The following TAF6L variants were observed in gnomAD, a reference collection of about 807,000 sequenced individuals.
The protein encoded by TAF6L is TATA-box binding protein associated factor 6 like.
TAF6L carries 34 observed loss-of-function variants against 57.3 expected under a neutral mutation model. That is an observed-to-expected ratio of 0.59 (90% CI 0.45 to 0.79). The LOEUF (loss-of-function observed/expected upper bound fraction) is 0.79. TAF6L is among the 30% of genes least tolerant of loss of function. TAF6L has a pLI of 0.00. For missense variants in TAF6L, 782 were observed against 853.2 expected (o/e 0.92, Z 1.04); for synonymous variants, 417 against 376.3 (o/e 1.11, Z -1.25).
At chr11:62,784,365 C>T (rs1470149429) in intron 9 of TAF6L, among the ~76,000 whole-genome samples, 1 of 146,810 alleles carries the variant, frequency 6.8e-6, no homozygotes, top group Non-Finnish European at 1.5e-5. Flanking sequence ...AGTCCAGTGG[C>T]GCCATCTTGG....
chr11:62,776,458 G>C lies in TAF6L; in HGVS notation c.222G>C (p.Trp74Cys), dbSNP rs909645483. Residue 74 changes from tryptophan (W) to cysteine (C), a missense_variant, in exon 3 of 11, where the codon TGG (tryptophan) becomes TGC (cysteine). Physicochemically the swap from Trp to Cys is radical, Grantham distance 215 (BLOSUM62 -2). This residue lies in a region of TAF6L where 220 missense variants were observed against 252.1 expected (regional missense o/e 0.87). Transcript: ENST00000294168. ...TVEDFNRALR[W>C]SSVEAVCGYG... is the part of the protein sequence containing the mutation. ...AGGACTTCAACAGGGCCCTCAGATG[G>C]AGCAGCGTGGAGGTGAGTGGGGTGC... 2 of 1,613,658 alleles carry C rather than the reference G, an allele frequency of 1.2e-6. No homozygotes were observed. The highest frequency in any genetic ancestry group is 8.5e-7 in the Non-Finnish European group (1 of 1,179,672).
intron 3 of TAF6L, among the ~76,000 whole-genome samples, chr11:62,776,849 A>AT (rs1367796608): frequency 6.8e-6 from 1 of 147,242 alleles, no homozygotes; most frequent in Non-Finnish European, 1.5e-5. Context: ...TCTCAAAAAA[A>AT]GAAAAAAAAA....
Position 62,782,170 on chromosome 11 carries a change from A to G in TAF6L, c.664A>G (p.Ser222Gly). ...GCACCGGCTGCTGCAGGTGGCACGGAGCCTATTTCGTAATCCGCACCTGTG... is the reference window on the plus strand; with the variant it reads ...GCACCGGCTGCTGCAGGTGGCACGGGGCCTATTTCGTAATCCGCACCTGTG... ...QLHRLLQVAR[S>G]LFRNPHLCLG... The change falls in exon 8 of 11, where the codon AGC becomes GGC. Residue 222 changes from serine (S) to glycine (G), a missense_variant. Around this residue, in one of 3 missense-constraint regions of TAF6L, gnomAD observed 79 missense variants for 156.0 expected, o/e 0.51. Transcript: ENST00000294168. 1.9e-6 allele frequency: 3 copies of G among 1,613,954 alleles called. No individual in the cohort carries two copies. In the South Asian group the frequency reaches 3.3e-5, roughly 18 times the overall value.
intron 9 of TAF6L, among the ~76,000 whole-genome samples, chr11:62,784,394 T>G (rs1056715055): frequency 4.0e-5 from 6 of 150,384 alleles, no homozygotes; most frequent in Middle Eastern, 3.4e-3. Flanking sequence ...AACCTCCGCC[T>G]CCCGGGTTCA....
At chr11:62,773,599 C>T (rs773812537) in intron 1 of TAF6L, among the ~76,000 whole-genome samples, 4 of 152,078 alleles carry the variant, frequency 2.6e-5, no homozygotes, top group Non-Finnish European at 2.9e-5. Flanking sequence ...AGGCATGTGC[C>T]ACCACACCTG....
At chr11:62,781,735 G>T (rs2084231382) in intron 6 of TAF6L, 159 bp from the exon 7 acceptor site, 11 of 646,152 alleles carry the variant, frequency 1.7e-5, no homozygotes, top group Non-Finnish European at 3.0e-5. Flanking sequence ...ATGAGTTTCT[G>T]TAGGTTACAT....
chr11:62,777,879 A>T, intron 3 of TAF6L, 99 bp from the exon 4 acceptor site: 1 of 1,401,744 alleles, frequency 7.1e-7, no homozygotes, highest in Non-Finnish European at 9.7e-7. Context: ...CTTCCTTCAA[A>T]CGTGGGCTCT....
At chr11:62,775,669 C>G in intron 1 of TAF6L, 102 bp from the exon 2 acceptor site, 1 of 1,351,068 alleles carries the variant, frequency 7.4e-7, no homozygotes, top group South Asian at 1.4e-5. Flanking sequence ...TTTAGAAACT[C>G]CAGAGCACGA....
intron 4 of TAF6L, 47 bp downstream of exon 4, chr11:62,778,175 G>A (rs771707530): frequency 6.2e-7 from 1 of 1,613,940 alleles, no homozygotes; most frequent in Non-Finnish European, 8.5e-7. Flanking sequence ...GTTGGGCCGT[G>A]AAGAGAAGTG....
At chr11:62,776,335 C>A in intron 2 of TAF6L, 49 bp from the exon 3 acceptor site, 1 of 1,592,818 alleles carries the variant, frequency 6.3e-7, no homozygotes, top group Non-Finnish European at 8.6e-7. Flanking sequence ...GTTTCCCATG[C>A]CCCCTGCTTC....
At position 62,786,212 on chromosome 11, in the gene TAF6L, G is replaced by A. The variant is rs755603435; in HGVS notation, c.961-48G>A. ...TTCATGGGAAAGGGTCCTTGAGAGG[G>A]AATAAGTATCAAAGACATGCTAACT... On this transcript the variant is annotated intron_variant, in intron 9 of 10. Coordinates refer to ENST00000294168, the MANE Select transcript of TAF6L (RefSeq NM_006473.4). 2.5e-6 allele frequency: 4 copies of A among 1,580,436 alleles called. No homozygotes were observed. The South Asian group carries it at 3.4e-5, about 13-fold the overall frequency.
At chr11:62,781,805 A>AC in intron 6 of TAF6L, 89 bp from the exon 7 acceptor site, 1 of 1,074,810 alleles carries the variant, frequency 9.3e-7, no homozygotes, top group East Asian at 2.4e-5. Flanking sequence ...AAACATGAAT[A>AC]AGGTGATACA....
At chr11:62,771,804 TTCGTGTACGGTCATATAATA>T (rs1827931300) in intron 1 of TAF6L, 1 of 245,886 alleles carries the variant, frequency 4.1e-6, no homozygotes. Flanking sequence ...CAGTCTAGAT[TTCGTGTACGGTCATATAATA>T]GGGAAACTCC....
chr11:62,778,591 A>AC, intron 5 of TAF6L: 1 of 614,938 alleles, frequency 1.6e-6, no homozygotes, highest in African/African-American at 1.8e-5. Context: ...GCGGTGTTTC[A>AC]CCCCCAGGGT....
chr11:62,782,216 G>A lies in TAF6L; in HGVS notation c.710G>A (p.Cys237Tyr), dbSNP rs756408971. 1 of 1,614,234 alleles carries A rather than the reference G, an allele frequency of 6.2e-7. No individual in the cohort carries two copies. Among genetic ancestry groups the A allele is most frequent in the Non-Finnish European group, 8.5e-7 (1 of 1,180,040 alleles). The part of the protein sequence containing the change: ...PHLCLGPYVR[C>Y]LVGSVLYCVL... The stretch of plus-strand genomic sequence containing the variant: ...CTGTGCTTGGGGCCCTATGTCCGCT[G>A]TCTGGTGGGCAGTGTCCTCTACTGT... The change falls in exon 8 of 11, where the codon TGT (cysteine) becomes TAT (tyrosine). Residue 237 changes from cysteine (C) to tyrosine (Y), a missense_variant. Transcript: ENST00000294168.
rs760061154 is a variant in TAF6L, at chr11:62,775,771, C to G, written c.-13C>G. Reference sequence around the variant, plus strand: ...TCCAGTCTTCATTCTCCACTCCCAGCTCCACTGGGGCCATGTCAGAGCGAG... The same window carrying G: ...TCCAGTCTTCATTCTCCACTCCCAGGTCCACTGGGGCCATGTCAGAGCGAG... On this transcript the variant is annotated splice_region_variant and 5_prime_UTR_variant, in exon 2 of 11. Coordinates refer to ENST00000294168, the MANE Select transcript of TAF6L (RefSeq NM_006473.4). 5.0e-6 allele frequency: 8 copies of G among 1,600,916 alleles called. No homozygotes were observed. The South Asian group carries it at 8.9e-5, about 18-fold the overall frequency.
In TAF6L at chr11:62,782,041, C is replaced by G. The variant is rs185181799; in HGVS notation, c.607-72C>G. 1.4e-5 allele frequency: 22 copies of G among 1,592,552 alleles called. No individual in the cohort carries two copies. The East Asian group carries it at 4.5e-4, about 32-fold the overall frequency. On this transcript the variant is annotated intron_variant, in intron 7 of 10. Transcript: ENST00000294168. Reference sequence around the variant, plus strand: ...GACCCAGCAGGTGTAGGGCTCATGGCAAGTGCTGTCAGAATGGTGGGCTCC... The same window carrying G: ...GACCCAGCAGGTGTAGGGCTCATGGGAAGTGCTGTCAGAATGGTGGGCTCC...
Position 62,775,914 on chromosome 11 carries a change from TGA to T in TAF6L, c.137_138del (p.Glu46GlyfsTer5). 1 of 1,611,744 alleles carries T rather than the reference TGA, an allele frequency of 6.2e-7. No homozygotes were observed. Among genetic ancestry groups the T allele is most frequent in the Non-Finnish European group, 8.5e-7 (1 of 1,178,720 alleles). On this transcript the variant is annotated frameshift_variant, in exon 2 of 11. Coordinates refer to ENST00000294168, the MANE Select transcript of TAF6L (RefSeq NM_006473.4). LOFTEE classifies it high-confidence loss of function. ...CTCGCAGAGGACGTGTGCTATCGTC[TGA>T]GAGAGGCCACGCAGGTACACTCCCC... is the stretch of plus-strand genomic sequence containing the variant.
rs781391995 is a variant in TAF6L, at chr11:62,775,889, C to T, written c.106C>T (p.Leu36Phe). The T allele has an allele frequency of 1.2e-6, 2 of 1,613,988 alleles. No homozygotes were observed. The highest frequency in any genetic ancestry group is 2.2e-5 in the South Asian group (2 of 91,078). ...GCTGAGCGATGAGGTGGCGGCGCTG[C>T]TCGCAGAGGACGTGTGCTATCGTCT... ...LELSDEVAALLAEDVCYRLRE... is the reference protein window; with the variant it reads ...LELSDEVAALFAEDVCYRLRE... The change falls in exon 2 of 11, where the codon CTC becomes TTC. Residue 36 changes from leucine (L) to phenylalanine (F), a missense_variant. Physicochemically the swap from Leu to Phe is conservative, Grantham distance 22. Around this residue, in one of 3 missense-constraint regions of TAF6L, gnomAD observed 220 missense variants for 252.1 expected, o/e 0.87. Coordinates refer to ENST00000294168, the MANE Select transcript of TAF6L (RefSeq NM_006473.4).
Sources: allele counts gnomAD v4.1 joint callset (sites outside exome capture counted in the v4.1 genomes callset), GRCh38; gene constraint gnomAD v4.1.1; regional missense constraint gnomAD v4.1.1; transcripts MANE v1.5; gene names NCBI Gene and HGNC (gene_info 2026-07-23, HGNC 2026-07-21).